The following VWA3B variants were observed in gnomAD, a reference collection of about 807,000 sequenced individuals.
The protein encoded by VWA3B is von Willebrand factor A domain-containing protein 3B.
VWA3B carries 138 observed loss-of-function variants against 158.3 expected under a neutral mutation model. The ratio of observed to expected loss-of-function variants is 0.87; its 90% CI spans 0.76 to 1.00. The LOEUF (loss-of-function observed/expected upper bound fraction) is 1.00. Ranked by LOEUF, VWA3B falls within the 50% of genes least tolerant of loss-of-function variation. VWA3B has a pLI of 0.00. For missense variants in VWA3B, 1,555 were observed against 1,565.1 expected (o/e 0.99, Z 0.11); for synonymous variants, 596 against 587.3 (o/e 1.01, Z -0.21).
chr2:98,201,809 G>T (rs930161428), intron 12 of VWA3B, among the ~76,000 whole-genome samples: 16 of 152,136 alleles, frequency 1.1e-4, no homozygotes, highest in Non-Finnish European at 5.9e-5. Context: ...TGTTAATATG[G>T]TGCACTACGT....
intron 10 of VWA3B, 68 bp downstream of exon 10, chr2:98,188,197 T>C: frequency 6.5e-7 from 1 of 1,540,518 alleles, no homozygotes. Flanking sequence ...GCTTGATCTT[T>C]TTTCCTCCCT....
intron 14 of VWA3B, among the ~76,000 whole-genome samples, chr2:98,225,730 T>A (rs971199581): frequency 6.6e-6 from 1 of 152,064 alleles, no homozygotes; most frequent in African/African-American, 2.4e-5. Flanking sequence ...CTGGAACTTT[T>A]ACGAGATTTC....
chr2:98,134,497 A>G (rs555675887), intron 7 of VWA3B, among the ~76,000 whole-genome samples: 1 of 152,314 alleles, frequency 6.6e-6, no homozygotes, highest in South Asian at 2.1e-4. Context: ...ATAGGCTGTG[A>G]TTCAGAAAAA....
At chr2:98,103,461 G>A (rs1464423088) in intron 2 of VWA3B, among the ~76,000 whole-genome samples, 1 of 152,040 alleles carries the variant, frequency 6.6e-6, no homozygotes, top group Non-Finnish European at 1.5e-5. Flanking sequence ...TTAGCTGAAT[G>A]CCACAAATCT....
chr2:98,250,303 G>T lies in VWA3B; in HGVS notation c.2674-15G>T. On this transcript the variant is annotated splice_polypyrimidine_tract_variant and intron_variant, in intron 19 of 27. Transcript: ENST00000477737. ...ATCAAGTGACACTTTCCTTTCCTTT[G>T]CCATTGACATGCAGGTGTTCCCTCT... The T allele has an allele frequency of 6.2e-7, 1 of 1,600,012 alleles. No individual in the cohort carries two copies. Among genetic ancestry groups the T allele is most frequent in the Non-Finnish European group, 8.5e-7 (1 of 1,173,146 alleles).
intron 19 of VWA3B, among the ~76,000 whole-genome samples, chr2:98,243,585 C>T (rs192756307): frequency 9.9e-5 from 15 of 152,224 alleles, no homozygotes; most frequent in East Asian, 1.9e-4. Flanking sequence ...CCACCTGCCT[C>T]GCTCTTCCAA....
intron 12 of VWA3B, among the ~76,000 whole-genome samples, chr2:98,208,313 A>C (rs1266460481): frequency 1.3e-5 from 2 of 152,082 alleles, no homozygotes; most frequent in African/African-American, 4.8e-5. Context: ...TTCACTCTTC[A>C]ATCTCTGTCA....
intron 9 of VWA3B, among the ~76,000 whole-genome samples, chr2:98,182,299 T>G (rs1680659062): frequency 6.6e-6 from 1 of 152,158 alleles, no homozygotes; most frequent in Non-Finnish European, 1.5e-5. Flanking sequence ...CTGTTGCCAC[T>G]TGTTATTAGG....
Position 98,230,189 on chromosome 2 carries a change from A to G in VWA3B, c.2290A>G (p.Lys764Glu). The stretch of plus-strand genomic sequence containing the variant: ...CCTTTCAGATCAAAAGGTTCAGAAA[A>G]AGAAAGTCCTTCACGCAGGTATCAG... ...WGLSDQKVQK[K>E]KVLHAESTKT... Residue 764 changes from lysine to glutamate, a missense_variant, in exon 16 of 28, where the codon AAG (lysine) becomes GAG (glutamate). Coordinates refer to ENST00000477737, the MANE Select transcript of VWA3B (RefSeq NM_144992.5). 1 of 1,581,718 alleles carries G rather than the reference A, an allele frequency of 6.3e-7. No individual in the cohort carries two copies. Among genetic ancestry groups the G allele is most frequent in the Non-Finnish European group, 8.5e-7 (1 of 1,170,860 alleles).
rs77047032 is a variant in VWA3B, at chr2:98,304,651, T to C, written c.3521+849T>C. 7.7e-3 allele frequency among the ~76,000 whole-genome samples: 1,174 copies of C among 152,222 alleles called. 14 individuals are homozygous for C. The highest frequency in any genetic ancestry group is 0.027 in the African/African-American group (1,110 of 41,518). Reference sequence around the variant, plus strand: ...GATGTCAAAGAATCAGTGTCCTTCCTTTCACCCCAGGCTGATCTGTCCATT... The same window carrying C: ...GATGTCAAAGAATCAGTGTCCTTCCCTTCACCCCAGGCTGATCTGTCCATT... On this transcript the variant is annotated intron_variant, in intron 26 of 27. Coordinates refer to ENST00000477737, the MANE Select transcript of VWA3B (RefSeq NM_144992.5).
rs770055270 is a variant in VWA3B at position 98,250,399 on chromosome 2, A to G, written c.2755A>G (p.Lys919Glu). 14 of 1,612,954 alleles carry G rather than the reference A, an allele frequency of 8.7e-6. No individual in the cohort carries two copies. In the East Asian group the frequency reaches 3.1e-4, roughly 36 times the overall value. ...CCAAGGAGCCAAACTCAATATCTAC[A>G]AGCGAAAAGTGGAACAGGCAATTCA... ...NPQGAKLNIY[K>E]RKVEQAIQSY... Residue 919 changes from lysine (K) to glutamate (E), a missense_variant, in exon 20 of 28, where the codon AAG becomes GAG. Physicochemically the swap from Lys to Glu is moderately conservative, Grantham distance 56 (BLOSUM62 1). Transcript: ENST00000477737.
intron 7 of VWA3B, among the ~76,000 whole-genome samples, chr2:98,162,164 C>T (rs1216234256): frequency 2.3e-5 from 3 of 133,100 alleles, no homozygotes; most frequent in Non-Finnish European, 3.2e-5. Flanking sequence ...TTCCCCCCGG[C>T]CCACCCGCCC....
chr2:98,251,160 A>G (rs1363506252), intron 20 of VWA3B, among the ~76,000 whole-genome samples: 2 of 152,170 alleles, frequency 1.3e-5, no homozygotes, highest in Non-Finnish European at 2.9e-5. Flanking sequence ...GGCTTCCTAC[A>G]TGCTAGGCAC....
chr2:98,108,416 C>G (rs554459829), intron 2 of VWA3B, among the ~76,000 whole-genome samples: 1 of 152,208 alleles, frequency 6.6e-6, no homozygotes, highest in African/African-American at 2.4e-5. Flanking sequence ...TTTTCTTGTT[C>G]TTGTTCTATC....
intron 21 of VWA3B, 66 bp from the exon 22 acceptor site, chr2:98,270,616 A>G: frequency 9.4e-6 from 14 of 1,489,320 alleles, no homozygotes; most frequent in Admixed American, 1.9e-5. Flanking sequence ...ATATTTTTTT[A>G]TTATAGTCAT....
intron 8 of VWA3B, among the ~76,000 whole-genome samples, chr2:98,178,069 C>T (rs1680160248): frequency 6.6e-6 from 1 of 152,072 alleles, no homozygotes; most frequent in Non-Finnish European, 1.5e-5. Flanking sequence ...AAATGTCACC[C>T]CAAGGGTTTC....
chr2:98,328,197 C>T, the VWA3B span, among the ~76,000 whole-genome samples: 1 of 152,142 alleles, frequency 6.6e-6, no homozygotes, highest in East Asian at 1.9e-4. Context: ...TCCCCAAATC[C>T]CTCGAACCCC....
the VWA3B span, among the ~76,000 whole-genome samples, chr2:98,319,567 A>G: frequency 6.6e-6 from 1 of 152,198 alleles, no homozygotes; most frequent in South Asian, 2.1e-4. Context: ...TTCACTCATG[A>G]TAAGAGAAAA....
intron 6 of VWA3B, among the ~76,000 whole-genome samples, chr2:98,132,257 C>A (rs1408221165): frequency 6.6e-6 from 1 of 152,208 alleles, no homozygotes; most frequent in African/African-American, 2.4e-5. Flanking sequence ...GCAAGCGTAA[C>A]CCATCACGAG....
Sources: gnomAD v4.1 joint callset for allele counts (sites outside exome capture counted in the v4.1 genomes callset) on GRCh38, gnomAD v4.1.1 for gene constraint, MANE v1.5 for transcripts, NCBI Gene and HGNC (gene_info 2026-07-23, HGNC 2026-07-21) for gene names.